ACSBG1: variants seen among roughly 807,000 people sequenced by gnomAD.
ACSBG1 encodes long-chain-fatty-acid--CoA ligase ACSBG1.
Under a neutral mutation model 80.2 loss-of-function variants are expected in ACSBG1, and 39 were observed. The ratio of observed to expected loss-of-function variants is 0.49; its 90% CI spans 0.38 to 0.64. The LOEUF (loss-of-function observed/expected upper bound fraction) is 0.64, where lower values mean the gene tolerates loss of function less well. ACSBG1 is among the 30% of genes least tolerant of loss of function. The pLI, the probability that ACSBG1 is intolerant of heterozygous loss-of-function variation, is 0.00. For synonymous variants in ACSBG1, 392 were observed against 379.5 expected, an observed-to-expected ratio of 1.03 and a Z score of -0.38; for missense variants, 828 against 966.4, an observed-to-expected ratio of 0.86 and a Z score of 1.90.
chr15:78,230,761 G>A lies in ACSBG1; in HGVS notation c.131+3610C>T, dbSNP rs555556303. On this transcript the variant is annotated intron_variant, in intron 1 of 13. Coordinates refer to ENST00000258873, the MANE Select transcript of ACSBG1 (RefSeq NM_015162.5). Reference sequence around the variant, plus strand: ...TGCTGCCATGTGAGATGTGCCTTTCGTCTTCTGCCATGATTGTAAGGCCAC... The same window carrying A: ...TGCTGCCATGTGAGATGTGCCTTTCATCTTCTGCCATGATTGTAAGGCCAC... Among the ~76,000 whole-genome samples, 4 of 152,274 alleles carry A rather than the reference G, an allele frequency of 2.6e-5. No individual in the cohort carries two copies. In the East Asian group the frequency reaches 5.8e-4, roughly 22 times the overall value.
intron 1 of ACSBG1, among the ~76,000 whole-genome samples, chr15:78,210,556 T>C (rs1194384233): frequency 6.6e-6 from 1 of 152,226 alleles, no homozygotes; most frequent in Non-Finnish European, 1.5e-5. Context: ...TTGTGAGTGC[T>C]GTCTCACACT....
intron 1 of ACSBG1, chr15:78,212,472 G>A (rs1019357418): frequency 2.3e-6 from 1 of 443,926 alleles, no homozygotes; most frequent in Non-Finnish European, 4.6e-6. Context: ...GGGGGTCCAG[G>A]TTGCGTGCCA....
chr15:78,189,580 C>A (rs1350361351), intron 5 of ACSBG1, among the ~76,000 whole-genome samples: 3 of 151,806 alleles, frequency 2.0e-5, no homozygotes, highest in Non-Finnish European at 4.4e-5. Flanking sequence ...AACAAAAAAA[C>A]CAAACACCAC....
At chr15:78,207,018 T>G (rs1183130138) in intron 2 of ACSBG1, among the ~76,000 whole-genome samples, 4 of 152,228 alleles carry the variant, frequency 2.6e-5, no homozygotes, top group Non-Finnish European at 5.9e-5. Flanking sequence ...GAGAAGGGAT[T>G]ATAAAGTCTG....
At chr15:78,181,161 A>T in intron 8 of ACSBG1, 1 of 567,640 alleles carries the variant, frequency 1.8e-6, no homozygotes, top group Non-Finnish European at 3.1e-6. Flanking sequence ...TGCTGACCTC[A>T]GTCTCATCCC....
At position 78,172,161 on chromosome 15, in the gene ACSBG1, CTG is replaced by C. The variant is rs2074832025; in HGVS notation, c.2090-634_2090-633del. The stretch of plus-strand genomic sequence containing the variant: ...AGTGACTGCACCCAGCTCACATTGA[CTG>C]TAATCCCGTGAGACCCAAGCCAGAA... On this transcript the variant is annotated intron_variant, in intron 13 of 13. Transcript: ENST00000258873. This position sits in a 1 kb window ranked among gnomAD's most constrained non-coding sequence, Gnocchi z 4.1. 6.6e-6 allele frequency among the ~76,000 whole-genome samples: 1 copy of C among 152,242 alleles called. No homozygotes were observed. Among genetic ancestry groups the C allele is most frequent in the Admixed American group, 6.5e-5 (1 of 15,286 alleles).
chr15:78,209,110 TC>T, intron 1 of ACSBG1: 1 of 455,470 alleles, frequency 2.2e-6, no homozygotes. Context: ...GCTAGCCCCA[TC>T]CCTGCCCAGT....
At chr15:78,204,719 T>A (rs1595894557) in intron 2 of ACSBG1, among the ~76,000 whole-genome samples, 1 of 152,188 alleles carries the variant, frequency 6.6e-6, no homozygotes, top group African/African-American at 2.4e-5. Context: ...GACAGGCAGG[T>A]CCTCTTGCCT....
At chr15:78,228,970 G>A (rs1380924816) in intron 1 of ACSBG1, among the ~76,000 whole-genome samples, 2 of 151,766 alleles carry the variant, frequency 1.3e-5, no homozygotes, top group Middle Eastern at 3.2e-3. Context: ...TTTAATTACC[G>A]ACATTTTAAA....
chr15:78,208,539 AC>A (rs1419903143), intron 1 of ACSBG1, among the ~76,000 whole-genome samples: 1 of 152,100 alleles, frequency 6.6e-6, no homozygotes, highest in Non-Finnish European at 1.5e-5. Flanking sequence ...CCCTGTACCC[AC>A]CAGTCCCCAG....
chr15:78,194,758 A>T (rs1245321123), intron 2 of ACSBG1, 32 bp from the exon 3 acceptor site: 10 of 1,600,482 alleles, frequency 6.2e-6, no homozygotes, highest in Non-Finnish European at 8.5e-6. Context: ...AGCTTGGATC[A>T]TGCCAGCCTG....
rs1456158147 is a variant in ACSBG1 at position 78,178,389 on chromosome 15, C to T, written c.1702+225G>A. 1.3e-5 allele frequency among the ~76,000 whole-genome samples: 2 copies of T among 152,174 alleles called. No individual in the cohort carries two copies. Among genetic ancestry groups the T allele is most frequent in the Non-Finnish European group, 2.9e-5 (2 of 68,032 alleles). ...TCTCAGCTCACTGCAACCTCTGCCT[C>T]CCGGGTTCAAGTAATTCTCGTGCCT... On this transcript the variant is annotated intron_variant, in intron 11 of 13. Coordinates refer to ENST00000258873, the MANE Select transcript of ACSBG1 (RefSeq NM_015162.5). The surrounding 1 kb of genome is among the most constrained non-coding windows in gnomAD (Gnocchi z 4.3).
At chr15:78,179,851 A>T in intron 9 of ACSBG1, 71 bp from the exon 10 acceptor site, 3 of 1,238,062 alleles carry the variant, frequency 2.4e-6, no homozygotes, top group Non-Finnish European at 3.5e-6. Context: ...ACATACACAC[A>T]TTAAAAGGGT....
chr15:78,182,231 CCA>C, intron 7 of ACSBG1, 86 bp from the exon 8 acceptor site: 2 of 1,507,004 alleles, frequency 1.3e-6, no homozygotes, highest in Non-Finnish European at 1.8e-6. Context: ...GGGGCCAGCC[CCA>C]GTGTGGTGCC....
Position 78,168,844 on chromosome 15 carries a change from C to A in ACSBG1, c.*2600G>T. 1 of 898,988 alleles carries A rather than the reference C, an allele frequency of 1.1e-6. No homozygotes were observed. Among genetic ancestry groups the A allele is most frequent in the Non-Finnish European group, 1.8e-6 (1 of 546,946 alleles). 55.7% of individuals were successfully genotyped at this position (898,988 alleles called of 1,614,324 possible). ...CGAGTAACTTGCCCAGGTGGCATCTCACTGAGGGCTTTAAAATCTCCTTGG... is the reference window on the plus strand; with the variant it reads ...CGAGTAACTTGCCCAGGTGGCATCTAACTGAGGGCTTTAAAATCTCCTTGG... On this transcript the variant is annotated 3_prime_UTR_variant, in exon 14 of 14. Coordinates refer to ENST00000258873, the MANE Select transcript of ACSBG1 (RefSeq NM_015162.5).
rs773133281 is a variant in ACSBG1 at position 78,177,660 on chromosome 15, G to A, written c.1702+954C>T. 3.5e-4 allele frequency among the ~76,000 whole-genome samples: 53 copies of A among 152,152 alleles called. 1 individual carries two copies. The highest frequency in any genetic ancestry group is 6.0e-4 in the Non-Finnish European group (41 of 68,026). Reference sequence around the variant, plus strand: ...AGCCTGCACATCCCAGGGCCCAAACGCCACCGCGACCTTTTGTCCCTCCCT... The same window carrying A: ...AGCCTGCACATCCCAGGGCCCAAACACCACCGCGACCTTTTGTCCCTCCCT... On this transcript the variant is annotated intron_variant, in intron 11 of 13. Transcript: ENST00000258873. This position sits in a 1 kb window ranked among gnomAD's most constrained non-coding sequence, Gnocchi z 4.1.
At chr15:78,211,461 C>T (rs2075266797) in intron 1 of ACSBG1, among the ~76,000 whole-genome samples, 1 of 152,198 alleles carries the variant, frequency 6.6e-6, no homozygotes, top group African/African-American at 2.4e-5. Context: ...GGAAGAAGAG[C>T]TTACAAGGTT....
chr15:78,205,394 AG>A (rs1313638197), intron 2 of ACSBG1, among the ~76,000 whole-genome samples: 5 of 152,084 alleles, frequency 3.3e-5, no homozygotes, highest in Non-Finnish European at 7.4e-5. Context: ...CAAGACTCAA[AG>A]AGCTCCCCAG....
chr15:78,225,977 T>G (rs550395394), intron 1 of ACSBG1, among the ~76,000 whole-genome samples: 2 of 152,312 alleles, frequency 1.3e-5, no homozygotes, highest in Non-Finnish European at 1.5e-5. Flanking sequence ...TGTAGGTTGT[T>G]GTCAATTCCT....
Sources: allele counts gnomAD v4.1 joint callset (sites outside exome capture counted in the v4.1 genomes callset), GRCh38; gene constraint gnomAD v4.1.1; non-coding constraint Gnocchi (gnomAD v3.1); transcripts MANE v1.5; gene names NCBI Gene and HGNC (gene_info 2026-07-23, HGNC 2026-07-21).